Variants in PPP1R21 observed in about 807,000 individuals in gnomAD.
PPP1R21 encodes the protein KLRAQ motif containing 1.
In PPP1R21, 85 loss-of-function variants were observed where a neutral mutation model predicts 112.8. That is an observed-to-expected ratio of 0.75 (90% CI 0.63 to 0.90). The LOEUF is 0.90. Among genes scored for constraint, PPP1R21 ranks in the 40% least tolerant of loss-of-function variants. The pLI is 0.00. For synonymous variants in PPP1R21, 381 were observed against 322.3 expected (o/e 1.18, Z -1.95); for missense variants, 1,199 against 901.5 (o/e 1.33, Z -4.23).
At chr2:48,477,659 C>T (rs1041929206) in intron 12 of PPP1R21, among the ~76,000 whole-genome samples, 5 of 147,570 alleles carry the variant, frequency 3.4e-5, no homozygotes, top group African/African-American at 4.9e-5. Context: ...GAAGCGTGAG[C>T]CCTCCTACTT....
intron 16 of PPP1R21, among the ~76,000 whole-genome samples, chr2:48,496,275 G>T (rs1669829206): frequency 6.6e-6 from 1 of 152,086 alleles, no homozygotes; most frequent in Admixed American, 6.5e-5. Flanking sequence ...CATAGTCCTT[G>T]TTACAGTAAA....
chr2:48,454,720 A>G lies in PPP1R21; in HGVS notation c.252A>G (p.Glu84=). Residue 84 remains glutamate (E), a synonymous_variant, in exon 3 of 22, where the codon GAA becomes GAG. Transcript: ENST00000294952. ...TTCAAGATGAACTAGCTCTAAGTGAACCACGAGGCAAGAAAAACAAGGTAG... is the reference window on the plus strand; with the variant it reads ...TTCAAGATGAACTAGCTCTAAGTGAGCCACGAGGCAAGAAAAACAAGGTAG... The part of the protein sequence containing the change: ...ELLQDELALS[E]PRGKKNKKSG... 1.2e-6 allele frequency: 2 copies of G among 1,614,092 alleles called. No homozygotes were observed. The highest frequency in any genetic ancestry group is 2.2e-5 in the East Asian group (1 of 44,886).
At chr2:48,474,254 G>T (rs1275000578) in intron 11 of PPP1R21, among the ~76,000 whole-genome samples, 1 of 151,818 alleles carries the variant, frequency 6.6e-6, no homozygotes, top group East Asian at 1.9e-4. Flanking sequence ...GTGGTGGTGG[G>T]TGCCTGTAAT....
intron 14 of PPP1R21, among the ~76,000 whole-genome samples, 176 bp from the exon 15 acceptor site, chr2:48,490,842 T>C (rs1669530587): frequency 6.6e-6 from 1 of 152,226 alleles, no homozygotes; most frequent in Non-Finnish European, 1.5e-5. Context: ...CTTTTTATTA[T>C]AAACCATTGC....
intron 2 of PPP1R21, among the ~76,000 whole-genome samples, chr2:48,452,954 C>CTTT (rs1319946542): frequency 7.2e-6 from 1 of 138,434 alleles, no homozygotes; most frequent in Non-Finnish European, 1.6e-5. Flanking sequence ...GTTGCTGTTC[C>CTTT]TTTTTTTTTT....
Position 48,459,933 on chromosome 2 carries a change from G to T in PPP1R21, c.540+15G>T. The T allele has an allele frequency of 6.2e-7, 1 of 1,609,754 alleles. No individual in the cohort carries two copies. Reference sequence around the variant, plus strand: ...CTAAACTAGAAGTAAGCCCCATTGTGAGAGCACACTAAAAAATAGTTACAG... The same window carrying T: ...CTAAACTAGAAGTAAGCCCCATTGTTAGAGCACACTAAAAAATAGTTACAG... On this transcript the variant is annotated intron_variant, in intron 5 of 21. Coordinates refer to ENST00000294952, the MANE Select transcript of PPP1R21 (RefSeq NM_001135629.3).
intron 21 of PPP1R21, among the ~76,000 whole-genome samples, chr2:48,513,895 C>T (rs920507686): frequency 1.3e-5 from 2 of 152,042 alleles, no homozygotes; most frequent in Non-Finnish European, 2.9e-5. Context: ...TCCAAATCTC[C>T]GTATTTGAGG....
At chr2:48,462,379 T>C (rs147268408) in intron 7 of PPP1R21, among the ~76,000 whole-genome samples, 2 of 152,156 alleles carry the variant, frequency 1.3e-5, no homozygotes, top group Admixed American at 1.3e-4. Flanking sequence ...TAATATAAAC[T>C]AGACTGTGCC....
At chr2:48,492,094 T>C (rs958501962) in intron 15 of PPP1R21, among the ~76,000 whole-genome samples, 1 of 152,218 alleles carries the variant, frequency 6.6e-6, no homozygotes, top group Non-Finnish European at 1.5e-5. Flanking sequence ...CTGCAATTTG[T>C]GCATTTTACT....
At chr2:48,441,123 C>T in intron 1 of PPP1R21, 113 bp downstream of exon 1, 3 of 734,700 alleles carry the variant, frequency 4.1e-6, no homozygotes, top group Non-Finnish European at 7.2e-6. Flanking sequence ...GAGCGCGCCC[C>T]ACCTTTCCCC....
chr2:48,455,075 C>T (rs556884814), intron 3 of PPP1R21, among the ~76,000 whole-genome samples: 23 of 151,820 alleles, frequency 1.5e-4, no homozygotes, highest in African/African-American at 4.6e-4. Context: ...TGGACTCAAG[C>T]GATCCACCTG....
At chr2:48,470,025 G>T (rs1668432160) in intron 9 of PPP1R21, among the ~76,000 whole-genome samples, 1 of 152,088 alleles carries the variant, frequency 6.6e-6, no homozygotes, top group Admixed American at 6.5e-5. Flanking sequence ...TCACATTTCT[G>T]CAAAATGAGA....
At chr2:48,497,717 T>A (rs1350309205) in intron 16 of PPP1R21, among the ~76,000 whole-genome samples, 1 of 151,204 alleles carries the variant, frequency 6.6e-6, no homozygotes, top group Non-Finnish European at 1.5e-5. Flanking sequence ...AGTGGCGCTA[T>A]CTCGGCTCAC....
At chr2:48,458,774 C>T (rs572603393) in intron 4 of PPP1R21, among the ~76,000 whole-genome samples, 7 of 152,122 alleles carry the variant, frequency 4.6e-5, no homozygotes, top group Admixed American at 6.5e-5. Context: ...TTAGTGCCTG[C>T]CCCCAAACCA....
At chr2:48,465,713 C>A in intron 9 of PPP1R21, 71 bp downstream of exon 9, 1 of 1,368,942 alleles carries the variant, frequency 7.3e-7, no homozygotes, top group South Asian at 1.4e-5. Flanking sequence ...TTTTAGACCT[C>A]TTCTGTGCAC....
At chr2:48,455,931 C>T (rs1021657015) in intron 3 of PPP1R21, among the ~76,000 whole-genome samples, 5 of 145,018 alleles carry the variant, frequency 3.4e-5, no homozygotes, top group South Asian at 2.2e-4. Flanking sequence ...AGGAGAATGG[C>T]GTGAACCTGG....
At chr2:48,456,674 C>A (rs6715766) in intron 3 of PPP1R21, among the ~76,000 whole-genome samples, 9 of 152,188 alleles carry the variant, frequency 5.9e-5, no homozygotes, top group African/African-American at 1.7e-4. Flanking sequence ...AGAAGCATTC[C>A]CGAGAGTGTT....
chr2:48,514,312 T>C lies in PPP1R21; in HGVS notation c.2314-403T>C, dbSNP rs528627442. On this transcript the variant is annotated intron_variant, in intron 21 of 21. Transcript: ENST00000294952. ...CATGTTAGCTGGGATGGTCTCGATC[T>C]CCTGACCTCGTGATCCACCCGCCTC... 2.2e-3 allele frequency among the ~76,000 whole-genome samples: 331 copies of C among 152,222 alleles called. 3 individuals are homozygous for C. The highest frequency in any genetic ancestry group is 0.01 in the Middle Eastern group (3 of 294).
chr2:48,483,857 A>G (rs1268977252), intron 13 of PPP1R21, among the ~76,000 whole-genome samples: 2 of 151,404 alleles, frequency 1.3e-5, no homozygotes, highest in South Asian at 2.1e-4. Flanking sequence ...TAATTTTTTA[A>G]ATTTCTTTTT....
Sources: gnomAD v4.1 joint callset for allele counts (sites outside exome capture counted in the v4.1 genomes callset) on GRCh38, gnomAD v4.1.1 for gene constraint, MANE v1.5 for transcripts, NCBI Gene and HGNC (gene_info 2026-07-23, HGNC 2026-07-21) for gene names.